Variants in UBE3C observed in about 807,000 individuals in gnomAD.
UBE3C encodes the protein ubiquitin-protein ligase E3C.
UBE3C carries 42 observed loss-of-function variants against 129.4 expected under a neutral mutation model. The ratio of observed to expected loss-of-function variants is 0.32; its 90% CI spans 0.25 to 0.42. The LOEUF is 0.42. Ranked by LOEUF, UBE3C falls within the 10% of genes least tolerant of loss-of-function variation. UBE3C has a pLI of 1.00. For missense variants in UBE3C, 1,049 were observed against 1,319.1 expected, an observed-to-expected ratio of 0.80 and a Z score of 3.17; for synonymous variants, 510 against 492.4, an observed-to-expected ratio of 1.04 and a Z score of -0.47.
chr7:157,231,023 A>G (rs562722043), intron 17 of UBE3C, 57 bp from the exon 18 acceptor site: 2 of 1,596,036 alleles, frequency 1.3e-6, no homozygotes, highest in African/African-American at 1.3e-5. Flanking sequence ...AGGCTAGTTG[A>G]TGTTATTGCT....
chr7:157,254,919 CGTGGTGGCGT>C (rs1796709517), intron 21 of UBE3C, among the ~76,000 whole-genome samples: 1 of 86,906 alleles, frequency 1.2e-5, no homozygotes, highest in African/African-American at 5.9e-5. Flanking sequence ...GCAGTCCCAG[CGTGGTGGCGT>C]ACACCTGCAG....
rs1455353947 is a variant in UBE3C at position 157,248,357 on chromosome 7, C to G, written c.2482-11C>G. 2 of 1,610,256 alleles carry G rather than the reference C, an allele frequency of 1.2e-6. No individual in the cohort carries two copies. The highest frequency in any genetic ancestry group is 2.7e-5 in the African/African-American group (2 of 74,522). ...ATTCGATGCTAACGTTGTCACTGTT[C>G]TCTTTTGAAGGCTCTCTATGAGAAC... On this transcript the variant is annotated splice_polypyrimidine_tract_variant and intron_variant, in intron 18 of 22. Coordinates refer to ENST00000348165, the MANE Select transcript of UBE3C (RefSeq NM_014671.3).
intron 1 of UBE3C, among the ~76,000 whole-genome samples, chr7:157,157,688 A>C (rs577992441): frequency 1.4e-4 from 22 of 152,306 alleles, no homozygotes; most frequent in Non-Finnish European, 3.1e-4. Context: ...AAAATATAAC[A>C]TGGTGGCTGG....
intron 22 of UBE3C, among the ~76,000 whole-genome samples, chr7:157,263,785 T>C (rs1279347390): frequency 2.0e-5 from 3 of 151,252 alleles, no homozygotes; most frequent in Admixed American, 6.6e-5. Flanking sequence ...TCAGTAAAAG[T>C]AATGTTTTCA....
At chr7:157,204,354 C>T (rs928374681) in intron 11 of UBE3C, among the ~76,000 whole-genome samples, 6 of 148,652 alleles carry the variant, frequency 4.0e-5, no homozygotes, top group Admixed American at 2.1e-4. Context: ...GACGAGATTG[C>T]GCCATTGCAC....
intron 22 of UBE3C, among the ~76,000 whole-genome samples, chr7:157,257,545 G>T (rs1239248415): frequency 1.3e-5 from 2 of 151,878 alleles, no homozygotes; most frequent in Non-Finnish European, 2.9e-5. Context: ...GACCAGCCTG[G>T]TCAACATGAT....
chr7:157,265,802 G>A (rs981041332), intron 22 of UBE3C, among the ~76,000 whole-genome samples: 3 of 152,188 alleles, frequency 2.0e-5, no homozygotes, highest in African/African-American at 7.2e-5. Flanking sequence ...GTGGGAATGG[G>A]AACTGGGTAT....
At chr7:157,217,307 T>C (rs1337108508) in intron 14 of UBE3C, 1 of 169,102 alleles carries the variant, frequency 5.9e-6, no homozygotes, top group Non-Finnish European at 1.3e-5. Flanking sequence ...ATAGATCTTA[T>C]ACCTAATTTT....
intron 10 of UBE3C, among the ~76,000 whole-genome samples, chr7:157,196,925 C>T (rs1438261943): frequency 1.3e-5 from 2 of 152,104 alleles, no homozygotes; most frequent in Non-Finnish European, 2.9e-5. Context: ...GCGGAGATAG[C>T]GCCATTGCAC....
Position 157,174,938 on chromosome 7 carries a change from TAATTA to T in UBE3C, c.365_369del (p.Ile122ThrfsTer13). The T allele has an allele frequency of 6.2e-7, 1 of 1,611,386 alleles. No homozygotes were observed. Among genetic ancestry groups the T allele is most frequent in the Non-Finnish European group, 8.5e-7 (1 of 1,178,968 alleles). ...TTTCAGATATGGCTGTATCAGAACT[TAATTA>T]AACACAGCTCTCTGTTTGTCAAGCA... is the stretch of plus-strand genomic sequence containing the variant. On this transcript the variant is annotated frameshift_variant, in exon 5 of 23. Transcript: ENST00000348165. LOFTEE classifies it high-confidence loss of function.
intron 19 of UBE3C, among the ~76,000 whole-genome samples, chr7:157,251,194 TA>T (rs762478449): frequency 1.3e-5 from 2 of 152,250 alleles, no homozygotes; most frequent in East Asian, 3.8e-4. Flanking sequence ...TTTAAGTTTA[TA>T]AAGTATGATT....
chr7:157,166,262 G>T (rs1808209119), intron 2 of UBE3C, among the ~76,000 whole-genome samples: 1 of 152,150 alleles, frequency 6.6e-6, no homozygotes. Flanking sequence ...TGCCTGATTA[G>T]TCTGTCTTGA....
intron 9 of UBE3C, among the ~76,000 whole-genome samples, chr7:157,184,945 C>T (rs1161499882): frequency 2.0e-5 from 3 of 152,190 alleles, no homozygotes; most frequent in East Asian, 3.9e-4. Flanking sequence ...GGAGTGAAGC[C>T]GTTTTTATAG....
chr7:157,243,705 T>C (rs1796404921), intron 18 of UBE3C, among the ~76,000 whole-genome samples: 1 of 152,116 alleles, frequency 6.6e-6, no homozygotes, highest in Non-Finnish European at 1.5e-5. Context: ...TGTAGAAAGC[T>C]CTCTGGAATA....
chr7:157,174,534 C>A (rs551216121), intron 4 of UBE3C, among the ~76,000 whole-genome samples: 4 of 152,262 alleles, frequency 2.6e-5, no homozygotes, highest in African/African-American at 9.6e-5. Context: ...GCAACCTCCA[C>A]CCACACCCCG....
At chr7:157,213,534 C>T (rs1161342731) in intron 13 of UBE3C, among the ~76,000 whole-genome samples, 1 of 152,214 alleles carries the variant, frequency 6.6e-6, no homozygotes, top group Non-Finnish European at 1.5e-5. Context: ...GCATGGTTGC[C>T]TCTACAAACT....
At chr7:157,210,112 G>T (rs372311479) in intron 13 of UBE3C, among the ~76,000 whole-genome samples, 2 of 152,192 alleles carry the variant, frequency 1.3e-5, no homozygotes, top group Non-Finnish European at 2.9e-5. Flanking sequence ...GGGAGGCAGA[G>T]GTTGCAGTCA....
intron 13 of UBE3C, among the ~76,000 whole-genome samples, chr7:157,214,748 T>C (rs1036058089): frequency 2.0e-5 from 3 of 152,232 alleles, no homozygotes; most frequent in Non-Finnish European, 2.9e-5. Context: ...CACATGTAAT[T>C]AGCATAGCTC....
chr7:157,186,316 A>G (rs932390928), intron 9 of UBE3C, among the ~76,000 whole-genome samples: 4 of 151,844 alleles, frequency 2.6e-5, no homozygotes, highest in Non-Finnish European at 4.4e-5. Context: ...CTACTTGGGA[A>G]GCTGAGGTGG....
Sources: gnomAD v4.1 joint callset for allele counts (sites outside exome capture counted in the v4.1 genomes callset) on GRCh38, gnomAD v4.1.1 for gene constraint, MANE v1.5 for transcripts, NCBI Gene and HGNC (gene_info 2026-07-23, HGNC 2026-07-21) for gene names.